SNTB1: variants seen among roughly 807,000 people sequenced by gnomAD.
SNTB1 encodes syntrophin beta 1.
In SNTB1, 36 loss-of-function variants were observed where a neutral mutation model predicts 48.9. The observed-to-expected ratio is 0.74, with a 90% CI of 0.56 to 0.97. The LOEUF (loss-of-function observed/expected upper bound fraction) is 0.97, where lower values mean the gene tolerates loss of function less well. Ranked by LOEUF, SNTB1 falls within the 50% of genes least tolerant of loss-of-function variation. SNTB1 has a pLI of 0.00. For synonymous variants in SNTB1, 299 were observed against 294.6 expected (o/e 1.01, Z -0.15); for missense variants, 786 against 703.4 (o/e 1.12, Z -1.33).
chr8:120,595,808 C>T (rs796834759), intron 3 of SNTB1, among the ~76,000 whole-genome samples: 3 of 152,124 alleles, frequency 2.0e-5, no homozygotes, highest in African/African-American at 7.2e-5. Flanking sequence ...GTCTCGAACT[C>T]CCGACCTCAG....
At chr8:120,586,254 T>A (rs1483706244) in intron 3 of SNTB1, among the ~76,000 whole-genome samples, 1 of 152,246 alleles carries the variant, frequency 6.6e-6, no homozygotes, top group East Asian at 1.9e-4. Context: ...CGAATGTTTT[T>A]ATGTAAACTT....
At chr8:120,621,248 C>A (rs1389063463) in intron 3 of SNTB1, among the ~76,000 whole-genome samples, 1 of 152,208 alleles carries the variant, frequency 6.6e-6, no homozygotes, top group African/African-American at 2.4e-5. Flanking sequence ...GCGTGAGCCA[C>A]CATGCCCGGC....
intron 1 of SNTB1, among the ~76,000 whole-genome samples, chr8:120,730,028 A>G (rs1818825651): frequency 6.6e-6 from 1 of 152,250 alleles, no homozygotes; most frequent in South Asian, 2.1e-4. Context: ...TAATTCTGCC[A>G]ACAACCCGTT....
At chr8:120,744,372 C>T (rs1227948036) in intron 1 of SNTB1, among the ~76,000 whole-genome samples, 8 of 152,098 alleles carry the variant, frequency 5.3e-5, no homozygotes, top group East Asian at 1.9e-4. Context: ...AACAGAAAAA[C>T]GTACAAAGAT....
At position 120,601,830 on chromosome 8, in the gene SNTB1, C is replaced by T. The variant is rs180845746; in HGVS notation, c.997-26605G>A. Among the ~76,000 whole-genome samples, 126 of 152,346 alleles carry T rather than the reference C, an allele frequency of 8.3e-4. 1 individual carries two copies. The highest frequency in any genetic ancestry group is 2.7e-3 in the African/African-American group (111 of 41,586). On this transcript the variant is annotated intron_variant, in intron 3 of 6. Transcript: ENST00000517992. The stretch of plus-strand genomic sequence containing the variant: ...TACAAGACGCGCATGCCAACCTACA[C>T]GTGTTTTCCACTTGGTTCAGTCATC...
Position 120,538,815 on chromosome 8 carries a change from GACATCACGTTC to G in SNTB1, c.*51_*61del. On this transcript the variant is annotated 3_prime_UTR_variant, in exon 7 of 7. Transcript: ENST00000517992. Reference sequence around the variant, plus strand: ...GCGCTGCTCACTACAGATGGTGTCTGACATCACGTTCTCTGGTGGCATTGCAGCCCTTCTTT... The same window carrying G: ...GCGCTGCTCACTACAGATGGTGTCTGTCTGGTGGCATTGCAGCCCTTCTTT... 2 of 1,322,744 alleles carry G rather than the reference GACATCACGTTC, an allele frequency of 1.5e-6. No individual in the cohort carries two copies. The highest frequency in any genetic ancestry group is 2.2e-6 in the Non-Finnish European group (2 of 914,912). The allele number at this position is 1,322,744 out of a possible 1,614,324, so 81.9% of individuals were successfully genotyped here. A position where few individuals can be genotyped will look rare whatever the true frequency, so the allele number is the denominator to read the frequency against.
At chr8:120,696,700 A>T (rs373010731) in intron 1 of SNTB1, among the ~76,000 whole-genome samples, 1 of 152,230 alleles carries the variant, frequency 6.6e-6, no homozygotes, top group South Asian at 2.1e-4. Flanking sequence ...CACTAGCAGC[A>T]TGACATAGGT....
intron 1 of SNTB1, among the ~76,000 whole-genome samples, chr8:120,742,077 A>C (rs1175712101): frequency 6.6e-6 from 1 of 152,226 alleles, no homozygotes; most frequent in African/African-American, 2.4e-5. Flanking sequence ...GGTAGAATAC[A>C]CAGGTGAATG....
intron 1 of SNTB1, among the ~76,000 whole-genome samples, chr8:120,772,163 C>T (rs781282445): frequency 2.3e-4 from 35 of 152,014 alleles, no homozygotes; most frequent in Non-Finnish European, 3.8e-4. Flanking sequence ...GCCACTGCAC[C>T]GACCTGTATC....
chr8:120,752,700 C>T (rs938956407), intron 1 of SNTB1, among the ~76,000 whole-genome samples: 9 of 147,768 alleles, frequency 6.1e-5, no homozygotes, highest in Admixed American at 3.4e-4. Flanking sequence ...ATTAGGATAT[C>T]CTAAGTTAAT....
intron 1 of SNTB1, among the ~76,000 whole-genome samples, chr8:120,756,907 G>A (rs369615851): frequency 2.0e-5 from 3 of 152,154 alleles, no homozygotes; most frequent in South Asian, 2.1e-4. Context: ...ATGTGGTCAA[G>A]TCACCTCTTC....
At chr8:120,753,359 C>A (rs1448151289) in intron 1 of SNTB1, among the ~76,000 whole-genome samples, 1 of 152,122 alleles carries the variant, frequency 6.6e-6, no homozygotes, top group Non-Finnish European at 1.5e-5. Context: ...CTTTGGTCTT[C>A]CAATGCCCAC....
intron 2 of SNTB1, among the ~76,000 whole-genome samples, chr8:120,632,996 C>G (rs1052326710): frequency 6.6e-6 from 1 of 152,186 alleles, no homozygotes; most frequent in African/African-American, 2.4e-5. Flanking sequence ...TGCTTTACTT[C>G]TTAATTCACA....
chr8:120,694,608 T>G (rs1336061949), intron 1 of SNTB1, among the ~76,000 whole-genome samples: 2 of 151,436 alleles, frequency 1.3e-5, no homozygotes, highest in Admixed American at 6.6e-5. Context: ...TCTATATATA[T>G]AGATGTAGAT....
At chr8:120,623,878 C>T (rs549584471) in intron 3 of SNTB1, among the ~76,000 whole-genome samples, 11 of 152,322 alleles carry the variant, frequency 7.2e-5, no homozygotes, top group East Asian at 1.9e-4. Context: ...CTGCTAGCCA[C>T]GTGCATTAGT....
chr8:120,684,616 G>T (rs1319030761), intron 2 of SNTB1, among the ~76,000 whole-genome samples: 2 of 151,750 alleles, frequency 1.3e-5, no homozygotes, highest in Non-Finnish European at 2.9e-5. Context: ...AGGAATAACA[G>T]GTCTTGACCA....
intron 1 of SNTB1, among the ~76,000 whole-genome samples, chr8:120,709,602 C>A (rs1818431185): frequency 6.6e-6 from 1 of 152,176 alleles, no homozygotes; most frequent in Non-Finnish European, 1.5e-5. Flanking sequence ...TGAGATCATA[C>A]TGTTATCATT....
At chr8:120,633,530 G>A (rs536487510) in intron 2 of SNTB1, among the ~76,000 whole-genome samples, 36 of 152,160 alleles carry the variant, frequency 2.4e-4, no homozygotes, top group South Asian at 2.1e-4. Context: ...GCTTGAACCC[G>A]GGAGGCAGAA....
intron 4 of SNTB1, among the ~76,000 whole-genome samples, chr8:120,561,013 T>C (rs1367683072): frequency 6.6e-6 from 1 of 151,920 alleles, no homozygotes; most frequent in African/African-American, 2.4e-5. Context: ...CAGCTCACCA[T>C]CTATAGGTGG....
Sources: allele counts gnomAD v4.1 joint callset (sites outside exome capture counted in the v4.1 genomes callset), GRCh38; gene constraint gnomAD v4.1.1; transcripts MANE v1.5; gene names NCBI Gene and HGNC (gene_info 2026-07-23, HGNC 2026-07-21).